The following CTTNBP2NL variants were observed in gnomAD, a reference collection of about 807,000 sequenced individuals.
CTTNBP2NL encodes CTTNBP2 N-terminal-like protein.
In CTTNBP2NL, 16 loss-of-function variants were observed where a neutral mutation model predicts 32.5. That is an observed-to-expected ratio of 0.49 (90% confidence interval 0.33 to 0.75). The LOEUF (loss-of-function observed/expected upper bound fraction) is 0.75. Among genes scored for constraint, CTTNBP2NL ranks in the 30% least tolerant of loss-of-function variants. The pLI is 0.02. For missense variants in CTTNBP2NL, 645 were observed against 756.0 expected, an observed-to-expected ratio of 0.85 and a Z score of 1.72; for synonymous variants, 298 against 289.4, an observed-to-expected ratio of 1.03 and a Z score of -0.30.
intron 3 of CTTNBP2NL, among the ~76,000 whole-genome samples, chr1:112,440,670 T>TTTC (rs1649867643): frequency 6.6e-6 from 1 of 152,220 alleles, no homozygotes; most frequent in Non-Finnish European, 1.5e-5. Context: ...TGGGGATGTA[T>TTTC]TTCTGTATTA....
At chr1:112,435,910 G>T (rs1649712959) in intron 3 of CTTNBP2NL, among the ~76,000 whole-genome samples, 1 of 152,048 alleles carries the variant, frequency 6.6e-6, no homozygotes, top group Admixed American at 6.6e-5. Context: ...AAATTAGCTT[G>T]TCTTTCTTCA....
chr1:112,401,798 A>G (rs1570712160), intron 1 of CTTNBP2NL, among the ~76,000 whole-genome samples: 1 of 152,320 alleles, frequency 6.6e-6, no homozygotes, highest in South Asian at 2.1e-4. Flanking sequence ...TTTGCCAGTT[A>G]TTTCCAAACT....
intron 1 of CTTNBP2NL, among the ~76,000 whole-genome samples, chr1:112,410,753 A>AG (rs1270522414): frequency 5.9e-5 from 9 of 152,220 alleles, no homozygotes; most frequent in South Asian, 2.1e-4. Flanking sequence ...ATGACAAGTG[A>AG]CAGCTTACTT....
chr1:112,430,167 CTTTCTTTTCTTTTCT>C (rs202124796), intron 3 of CTTNBP2NL, among the ~76,000 whole-genome samples: 3,160 of 143,950 alleles, frequency 0.022, 97 homozygotes, highest in African/African-American at 0.068. Context: ...TAGCTCTTTT[CTTTCTTTTCTTTTCT>C]TTTCTTTTCT....
At chr1:112,446,230 G>A (rs1257110865) in intron 3 of CTTNBP2NL, among the ~76,000 whole-genome samples, 1 of 151,700 alleles carries the variant, frequency 6.6e-6, no homozygotes, top group Admixed American at 6.6e-5. Context: ...GCTGGGTGAG[G>A]TGGTATGTGC....
At chr1:112,394,796 T>C (rs143146717), upstream of CTTNBP2NL, among the ~76,000 whole-genome samples, 5 of 152,232 alleles carry the variant, frequency 3.3e-5, no homozygotes, top group Non-Finnish European at 7.4e-5. Context: ...AAGTATGGAG[T>C]CATACATCCT....
intron 1 of CTTNBP2NL, among the ~76,000 whole-genome samples, chr1:112,407,495 A>G (rs1357862556): frequency 6.6e-6 from 1 of 152,138 alleles, no homozygotes; most frequent in Non-Finnish European, 1.5e-5. Flanking sequence ...CTCTTCTTAT[A>G]AAACACCAGT....
intron 1 of CTTNBP2NL, among the ~76,000 whole-genome samples, chr1:112,408,127 G>T (rs1374843552): frequency 1.3e-5 from 2 of 151,030 alleles, no homozygotes; most frequent in African/African-American, 4.9e-5. Context: ...GATTACAGGT[G>T]TGAGCCACGC....
chr1:112,456,443 T>A lies in CTTNBP2NL; in HGVS notation c.951T>A (p.Phe317Leu). 8.1e-6 allele frequency: 13 copies of A among 1,614,096 alleles called. No individual in the cohort carries two copies. The highest frequency in any genetic ancestry group is 1.0e-5 in the Non-Finnish European group (12 of 1,180,018). ...LMSVFCQTES[F>L]PAERTHGSNI... The stretch of plus-strand genomic sequence containing the variant: ...CTGTGTTTTGCCAAACAGAGAGTTT[T>A]CCAGCAGAAAGAACCCATGGGAGCA... The change falls in exon 6 of 6, where the codon TTT (phenylalanine) becomes TTA (leucine). Residue 317 changes from phenylalanine to leucine, a missense_variant. Phe to Leu is a conservative substitution (Grantham distance 22). Coordinates refer to ENST00000271277, the MANE Select transcript of CTTNBP2NL (RefSeq NM_018704.3).
chr1:112,394,812 G>C (rs1251894460), upstream of CTTNBP2NL, among the ~76,000 whole-genome samples: 1 of 152,134 alleles, frequency 6.6e-6, no homozygotes, highest in Non-Finnish European at 1.5e-5. Flanking sequence ...ATCCTTACTG[G>C]AAATTCTTTA....
chr1:112,406,134 A>G (rs1338698209), intron 1 of CTTNBP2NL, among the ~76,000 whole-genome samples: 1 of 151,938 alleles, frequency 6.6e-6, no homozygotes, highest in Admixed American at 6.6e-5. Flanking sequence ...CAGTGAGCCG[A>G]GATCGCGCCA....
Position 112,456,702 on chromosome 1 carries a change from A to C in CTTNBP2NL, c.1210A>C (p.Ser404Arg), listed in dbSNP as rs771706400. The C allele has an allele frequency of 1.1e-5, 18 of 1,613,998 alleles. 1 individual carries two copies. In the Admixed American group the frequency reaches 3.0e-4, roughly 27 times the overall value. The change falls in exon 6 of 6, where the codon AGT becomes CGT. Residue 404 changes from serine (S) to arginine (R), a missense_variant. Ser to Arg is a moderately radical substitution (Grantham distance 110). Transcript: ENST00000271277. ...VGIETPVPMP[S>R]PLSSSGSSLS... ...GATTGAGACTCCAGTCCCAATGCCCAGTCCCCTCTCTTCCAGTGGGAGCTC... is the reference window on the plus strand; with the variant it reads ...GATTGAGACTCCAGTCCCAATGCCCCGTCCCCTCTCTTCCAGTGGGAGCTC...
At chr1:112,395,710 C>G (rs115302259), upstream of CTTNBP2NL, among the ~76,000 whole-genome samples, 398 of 149,372 alleles carry the variant, frequency 2.7e-3, 3 homozygotes, top group African/African-American at 9.6e-3. Flanking sequence ...AGCACCACGC[C>G]CACAGGCGCT....
At chr1:112,407,848 T>C (rs1648718474) in intron 1 of CTTNBP2NL, among the ~76,000 whole-genome samples, 1 of 138,360 alleles carries the variant, frequency 7.2e-6, no homozygotes, top group Admixed American at 7.3e-5. Context: ...TTCTTTTTTT[T>C]TTTTTTTTTT....
intron 3 of CTTNBP2NL, among the ~76,000 whole-genome samples, chr1:112,434,816 CCTT>C (rs1484186390): frequency 6.6e-6 from 1 of 152,068 alleles, no homozygotes; most frequent in Non-Finnish European, 1.5e-5. Context: ...GTTTTCCTTT[CCTT>C]CTTCTTCACA....
chr1:112,443,270 G>A (rs1389904030), intron 3 of CTTNBP2NL, among the ~76,000 whole-genome samples: 1 of 152,198 alleles, frequency 6.6e-6, no homozygotes, highest in Non-Finnish European at 1.5e-5. Context: ...CTGGAGTGCA[G>A]TGGTGCGATC....
In CTTNBP2NL at chr1:112,457,160, C is replaced by T. The variant is rs1466699865; in HGVS notation, c.1668C>T (p.Ser556=). 1.9e-6 allele frequency: 3 copies of T among 1,614,050 alleles called. No homozygotes were observed. The highest frequency in any genetic ancestry group is 1.6e-4 in the Middle Eastern group (1 of 6,084). The stretch of plus-strand genomic sequence containing the variant: ...ATTCACCTACTCCAGGGAAAGTGTC[C>T]AGTCCCCTGAGCCCCCTGTCTCCAG... ...TSHSPTPGKV[S]SPLSPLSPGI... is the part of the protein sequence containing the mutation. Residue 556 remains serine, a synonymous_variant, in exon 6 of 6, where the codon TCC becomes TCT. Transcript: ENST00000271277.
intron 4 of CTTNBP2NL, among the ~76,000 whole-genome samples, chr1:112,452,755 C>T (rs1181037337): frequency 6.6e-6 from 1 of 151,366 alleles, no homozygotes; most frequent in South Asian, 2.1e-4. Flanking sequence ...GATCCTTCCA[C>T]CTCAGCCTCC....
chr1:112,417,249 A>G (rs1393193894), intron 3 of CTTNBP2NL, among the ~76,000 whole-genome samples: 1 of 152,184 alleles, frequency 6.6e-6, no homozygotes, highest in East Asian at 1.9e-4. Context: ...CTCAGCACCC[A>G]GCATAGTGCC....
Sources: allele counts gnomAD v4.1 joint callset (sites outside exome capture counted in the v4.1 genomes callset), GRCh38; gene constraint gnomAD v4.1.1; transcripts MANE v1.5; gene names NCBI Gene and HGNC (gene_info 2026-07-23, HGNC 2026-07-21).